The following LRIG3 variants were observed in gnomAD, a reference collection of about 807,000 sequenced individuals.
LRIG3 encodes leucine rich repeats and immunoglobulin like domains 3, also known as leucine-rich repeats and immunoglobulin-like domains protein 3.
In LRIG3, 76 loss-of-function variants were observed where a neutral mutation model predicts 114.5. The observed-to-expected ratio is 0.66, with a 90% CI of 0.55 to 0.80. The LOEUF is 0.80. Among genes scored for constraint, LRIG3 ranks in the 30% least tolerant of loss-of-function variants. LRIG3 has a pLI of 0.00. For synonymous variants in LRIG3, 512 were observed against 519.8 expected, an observed-to-expected ratio of 0.98 and a Z score of 0.20; for missense variants, 1,239 against 1,382.8, an observed-to-expected ratio of 0.90 and a Z score of 1.65.
chr12:58,889,724 T>G (rs1471335771), intron 5 of LRIG3, among the ~76,000 whole-genome samples: 1 of 152,090 alleles, frequency 6.6e-6, no homozygotes, highest in Non-Finnish European at 1.5e-5. Flanking sequence ...AGTGCCACAA[T>G]GGCACTTTTG....
rs1434387029 is a variant in LRIG3 at position 58,872,650 on chromosome 12, T to C, written c.3282A>G (p.Glu1094=). ...DGKERTDFQE[E]NHICTFKQTL... ...TCTGTTTAAAGGTACAAATGTGATTTTCTTCCTGAAAATCTGTCCTTTCTT... is the reference window on the plus strand; with the variant it reads ...TCTGTTTAAAGGTACAAATGTGATTCTCTTCCTGAAAATCTGTCCTTTCTT... The change falls in exon 19 of 19, where the codon GAA becomes GAG. Residue 1094 remains glutamate, a synonymous_variant. Transcript: ENST00000320743. 6.2e-7 allele frequency: 1 copy of C among 1,614,116 alleles called. No individual in the cohort carries two copies. Among genetic ancestry groups the C allele is most frequent in the South Asian group, 1.1e-5 (1 of 91,084 alleles).
chr12:58,876,487 A>T lies in LRIG3; in HGVS notation c.2653T>A (p.Ser885Thr). Residue 885 changes from serine to threonine, a missense_variant, in exon 16 of 19, where the codon TCT becomes ACT. By Grantham distance (58) the Ser-to-Thr change is moderately conservative. Transcript: ENST00000320743. ...ESGSHHQFVTSSGAGFFLPQH... is the reference protein window; with the variant it reads ...ESGSHHQFVTTSGAGFFLPQH... ...GGTAAGAAAAATCCAGCACCTGAAG[A>T]TGTGACAAACTGGTGGTGGCTTCCA... 6.2e-7 allele frequency: 1 copy of T among 1,614,132 alleles called. No individual in the cohort carries two copies. Among genetic ancestry groups the T allele is most frequent in the Non-Finnish European group, 8.5e-7 (1 of 1,180,018 alleles).
At chr12:58,875,573 T>C (rs544715772) in intron 16 of LRIG3, among the ~76,000 whole-genome samples, 3 of 152,376 alleles carry the variant, frequency 2.0e-5, no homozygotes, top group South Asian at 4.1e-4. Context: ...TAGCGCCATG[T>C]AGTTTTCCAT....
rs1355994841 is a variant in LRIG3, at chr12:58,878,995, T to C, written c.1912A>G (p.Lys638Glu). ...GCTGGGAAGTCTGTGCCCCCATCCT[T>C]CTGCCAGGCTATCTGGGGGGCTGGG... The part of the protein sequence containing the change: ...GHPAPQIAWQ[K>E]DGGTDFPAAR... Residue 638 changes from lysine (K) to glutamate (E), a missense_variant, in exon 14 of 19, where the codon AAG becomes GAG. Lys to Glu is a moderately conservative substitution (Grantham distance 56). Transcript: ENST00000320743. 1 of 1,614,176 alleles carries C rather than the reference T, an allele frequency of 6.2e-7. No homozygotes were observed.
At position 58,887,899 on chromosome 12, in the gene LRIG3, A is replaced by G; in HGVS notation, c.981T>C (p.Asp327=). Residue 327 remains aspartate, a synonymous_variant, in exon 8 of 19, where the codon GAT becomes GAC. Transcript: ENST00000320743. The stretch of plus-strand genomic sequence containing the variant: ...AGCTTAGGCCAAGGAAGCTTGAATC[A>G]TCTAACCTTGATAAGTGATTGAAAG... The part of the protein sequence containing the change: ...DLTFNHLSRL[D]DSSFLGLSLL... 1.2e-6 allele frequency: 2 copies of G among 1,613,850 alleles called. No homozygotes were observed. Among genetic ancestry groups the G allele is most frequent in the Non-Finnish European group, 1.7e-6 (2 of 1,179,816 alleles).
intron 10 of LRIG3, among the ~76,000 whole-genome samples, chr12:58,884,797 AT>A (rs2120897320): frequency 6.6e-6 from 1 of 152,326 alleles, no homozygotes; most frequent in Non-Finnish European, 1.5e-5. Flanking sequence ...CCCAATATGT[AT>A]TTTAAATTGT....
chr12:58,874,429 C>A lies in LRIG3; in HGVS notation c.2839+1G>T. The A allele has an allele frequency of 6.2e-7, 1 of 1,614,114 alleles. No homozygotes were observed. The highest frequency in any genetic ancestry group is 2.2e-5 in the East Asian group (1 of 44,878). On this transcript the variant is annotated splice_donor_variant, in intron 17 of 18. Transcript: ENST00000320743. LOFTEE classifies it high-confidence loss of function. The stretch of plus-strand genomic sequence containing the variant: ...TGTACTCAAGCAAGAAAACCACCTA[C>A]CTGTATGATATGTTTCAAAAGGATC...
chr12:58,876,318 C>G (rs1870914820), intron 16 of LRIG3, 127 bp downstream of exon 16: 4 of 919,582 alleles, frequency 4.3e-6, no homozygotes, highest in Non-Finnish European at 6.5e-6. Flanking sequence ...TTCAACCTTG[C>G]TAGTGATCTT....
In LRIG3 at chr12:58,873,182, T is replaced by C. The variant is rs115517003; in HGVS notation, c.3116-366A>G. Among the ~76,000 whole-genome samples the C allele has an allele frequency of 5.1e-3, 772 of 152,320 alleles. 8 individuals carry two copies. Among genetic ancestry groups the C allele is most frequent in the African/African-American group, 0.018 (748 of 41,572 alleles). Reference sequence around the variant, plus strand: ...GTGTGTTGGATGGTAACATCCAAGTTAACTGAGGCTAAATAAAGAAATTTT... The same window carrying C: ...GTGTGTTGGATGGTAACATCCAAGTCAACTGAGGCTAAATAAAGAAATTTT... On this transcript the variant is annotated intron_variant, in intron 18 of 18. Transcript: ENST00000320743.
Position 58,879,038 on chromosome 12 carries a change from C to T in LRIG3, c.1869G>A (p.Glu623=), listed in dbSNP as rs779231706. 4.2e-5 allele frequency: 68 copies of T among 1,614,070 alleles called. No individual in the cohort carries two copies. Among genetic ancestry groups the T allele is most frequent in the Admixed American group, 2.8e-4 (17 of 60,012 alleles). ...GGGCTGGGTGCCCCACAGCAGCACA[C>T]TCCAAGCGTGCCATGGCCCCAGCTC... ...TIRAGAMARL[E]CAAVGHPAPQ... is the part of the protein sequence containing the mutation. Residue 623 remains glutamate, a synonymous_variant, in exon 14 of 19, where the codon GAG becomes GAA. Transcript: ENST00000320743.
At chr12:58,912,745 G>T (rs1592311967) in intron 3 of LRIG3, among the ~76,000 whole-genome samples, 1 of 152,126 alleles carries the variant, frequency 6.6e-6, no homozygotes, top group Non-Finnish European at 1.5e-5. Context: ...ATTTAAAAAG[G>T]CCACCTTGGT....
intron 3 of LRIG3, among the ~76,000 whole-genome samples, chr12:58,899,772 G>A (rs1226756112): frequency 1.3e-5 from 2 of 152,074 alleles, no homozygotes; most frequent in African/African-American, 4.8e-5. Context: ...GCCTTCTGAG[G>A]GCTGTGTGTG....
At chr12:58,898,604 A>C (rs202069237) in intron 3 of LRIG3, among the ~76,000 whole-genome samples, 5,332 of 152,204 alleles carry the variant, frequency 0.035, 144 homozygotes, top group Non-Finnish European at 0.051. Flanking sequence ...CATGTTTGAA[A>C]ATATCTTTAC....
chr12:58,905,148 T>C (rs1318406625), intron 3 of LRIG3, among the ~76,000 whole-genome samples: 1 of 152,170 alleles, frequency 6.6e-6, no homozygotes, highest in African/African-American at 2.4e-5. Flanking sequence ...GCATTGTACG[T>C]CTTGAGAAGG....
At chr12:58,879,790 T>TACA (rs563295439) in intron 13 of LRIG3, among the ~76,000 whole-genome samples, 70 of 152,326 alleles carry the variant, frequency 4.6e-4, no homozygotes, top group African/African-American at 1.6e-3. Context: ...ACATATTATT[T>TACA]CACTAAATGA....
intron 16 of LRIG3, among the ~76,000 whole-genome samples, chr12:58,875,966 C>T (rs1015817187): frequency 2.6e-5 from 4 of 152,204 alleles, no homozygotes; most frequent in African/African-American, 7.2e-5. Flanking sequence ...GCAGGAGAAT[C>T]GTTTGAACCC....
intron 14 of LRIG3, 49 bp from the exon 15 acceptor site, chr12:58,877,901 C>T (rs751706441): frequency 6.6e-7 from 1 of 1,522,496 alleles, no homozygotes; most frequent in Non-Finnish European, 8.9e-7. Context: ...ATTTAGTTTC[C>T]ATATCATAAA....
Position 58,888,011 on chromosome 12 carries a change from T to C in LRIG3, c.948-79A>G, listed in dbSNP as rs993988323. 12 of 1,298,826 alleles carry C rather than the reference T, an allele frequency of 9.2e-6. No individual in the cohort carries two copies. In the Admixed American group the frequency reaches 1.6e-4, roughly 17 times the overall value. The allele number at this position is 1,298,826 out of a possible 1,614,324, so 80.5% of individuals were successfully genotyped here. A position where few individuals can be genotyped will look rare whatever the true frequency, so the allele number is the denominator to read the frequency against. ...GATTTGTTTTCCAAAAGACAGGTAC[T>C]GTATGAGCTACACTAATCCTTATTT... On this transcript the variant is annotated intron_variant, in intron 7 of 18. Coordinates refer to ENST00000320743, the MANE Select transcript of LRIG3 (RefSeq NM_153377.5).
Position 58,883,600 on chromosome 12 carries a change from T to G in LRIG3, c.1245-9A>C. On this transcript the variant is annotated splice_polypyrimidine_tract_variant and intron_variant, in intron 10 of 18. Coordinates refer to ENST00000320743, the MANE Select transcript of LRIG3 (RefSeq NM_153377.5). ...CGTTGTCACTCAGGTCTCTGAAAAA[T>G]CACCAAATCAAATGCATCAGAGCAA... The G allele has an allele frequency of 6.5e-7, 1 of 1,537,082 alleles. No homozygotes were observed. Among genetic ancestry groups the G allele is most frequent in the East Asian group, 2.3e-5 (1 of 43,550 alleles).
Sources: gnomAD v4.1 joint callset for allele counts (sites outside exome capture counted in the v4.1 genomes callset) on GRCh38, gnomAD v4.1.1 for gene constraint, MANE v1.5 for transcripts, NCBI Gene and HGNC (gene_info 2026-07-23, HGNC 2026-07-21) for gene names.